Variants in SREK1IP1 observed in about 807,000 individuals in gnomAD.
The protein encoded by SREK1IP1 is protein SREK1IP1.
In SREK1IP1, 12 loss-of-function variants were observed where a neutral mutation model predicts 22.8. The observed-to-expected ratio is 0.53, with a 90% confidence interval of 0.34 to 0.85. The LOEUF (loss-of-function observed/expected upper bound fraction) is 0.85. SREK1IP1 is among the 40% of genes least tolerant of loss of function. The pLI, the probability that SREK1IP1 is intolerant of heterozygous loss-of-function variation, is 0.02. For missense variants in SREK1IP1, 147 were observed against 171.8 expected (o/e 0.86, Z 0.81); for synonymous variants, 53 against 52.7 (o/e 1.01, Z -0.02).
chr5:64,726,160 C>T (rs192664011), intron 4 of SREK1IP1, among the ~76,000 whole-genome samples: 6 of 151,892 alleles, frequency 4.0e-5, no homozygotes, highest in Non-Finnish European at 4.4e-5. Context: ...AGTGAGCCAC[C>T]GTGCCTGGCC....
chr5:64,767,899 A>T (rs1200685634), intron 1 of SREK1IP1, among the ~76,000 whole-genome samples: 1 of 152,206 alleles, frequency 6.6e-6, no homozygotes, highest in African/African-American at 2.4e-5. Context: ...ATTATTCTGC[A>T]GAGTTCACCG....
rs1348583169 is a variant in SREK1IP1 at position 64,723,207 on chromosome 5, A to G, written c.*1177T>C. Reference sequence around the variant, plus strand: ...TATGTGTTTGAAAATGCTTACCCATATAAAATTTCCATTATTATACAAAGG... The same window carrying G: ...TATGTGTTTGAAAATGCTTACCCATGTAAAATTTCCATTATTATACAAAGG... On this transcript the variant is annotated 3_prime_UTR_variant, in exon 5 of 5. Coordinates refer to ENST00000513458, the MANE Select transcript of SREK1IP1 (RefSeq NM_173829.4). The G allele has an allele frequency of 6.6e-6, 1 of 152,220 alleles. No individual in the cohort carries two copies. The highest frequency in any genetic ancestry group is 1.5e-5 in the Non-Finnish European group (1 of 68,040). 9.4% of individuals were successfully genotyped at this position (152,220 alleles called of 1,614,324 possible).
At chr5:64,725,534 A>C (rs141829512) in intron 4 of SREK1IP1, among the ~76,000 whole-genome samples, 34 of 152,326 alleles carry the variant, frequency 2.2e-4, no homozygotes, top group Admixed American at 8.5e-4. Flanking sequence ...CAGGGCTCCA[A>C]GGCTATTTTG....
intron 1 of SREK1IP1, among the ~76,000 whole-genome samples, chr5:64,764,345 A>G (rs1204517970): frequency 6.6e-6 from 1 of 152,184 alleles, no homozygotes; most frequent in Non-Finnish European, 1.5e-5. Context: ...AAGCATGAAG[A>G]AGTGGCAGGG....
intron 3 of SREK1IP1, among the ~76,000 whole-genome samples, chr5:64,739,448 C>T (rs552873835): frequency 1.1e-4 from 16 of 152,194 alleles, no homozygotes; most frequent in African/African-American, 3.9e-4. Context: ...AACCAATCCT[C>T]CTGTTTTTAG....
intron 1 of SREK1IP1, among the ~76,000 whole-genome samples, chr5:64,759,896 T>C (rs570568068): frequency 2.0e-4 from 30 of 152,214 alleles, no homozygotes; most frequent in African/African-American, 7.2e-4. Flanking sequence ...CATAAATTAG[T>C]ACTATCTCTT....
chr5:64,723,407 C>A lies in SREK1IP1; in HGVS notation c.*977G>T, dbSNP rs1466588545. On this transcript the variant is annotated 3_prime_UTR_variant, in exon 5 of 5. Transcript: ENST00000513458. ...CAGTGTGAAACTTGCTTTAAAACTACAAATTATGTCAGACAAAATAAATAT... is the reference window on the plus strand; with the variant it reads ...CAGTGTGAAACTTGCTTTAAAACTAAAAATTATGTCAGACAAAATAAATAT... The A allele has an allele frequency of 6.6e-6, 1 of 152,124 alleles. No homozygotes were observed. Among genetic ancestry groups the A allele is most frequent in the Non-Finnish European group, 1.5e-5 (1 of 67,978 alleles). The allele number at this position is 152,124 out of a possible 1,614,324, so 9.4% of individuals were successfully genotyped here.
chr5:64,744,200 G>T (rs905019047), intron 2 of SREK1IP1, among the ~76,000 whole-genome samples: 1 of 152,040 alleles, frequency 6.6e-6, no homozygotes, highest in Non-Finnish European at 1.5e-5. Context: ...CCTCCCAAGC[G>T]CAGGTAGGGC....
At chr5:64,724,982 T>C (rs1347916404) in intron 4 of SREK1IP1, among the ~76,000 whole-genome samples, 1 of 152,134 alleles carries the variant, frequency 6.6e-6, no homozygotes, top group African/African-American at 2.4e-5. Context: ...AAGTTGCAAT[T>C]CTCTATTTTA....
chr5:64,731,867 TCTGGTTGTGGTG>T (rs1300583253), intron 3 of SREK1IP1, among the ~76,000 whole-genome samples: 3 of 152,242 alleles, frequency 2.0e-5, no homozygotes, highest in Admixed American at 1.3e-4. Flanking sequence ...TCTCTTCCTT[TCTGGTTGTGGTG>T]CTGGCCACCT....
intron 1 of SREK1IP1, among the ~76,000 whole-genome samples, chr5:64,760,989 A>G (rs1742943942): frequency 6.6e-6 from 1 of 152,234 alleles, no homozygotes; most frequent in Non-Finnish European, 1.5e-5. Context: ...CAAACAAACA[A>G]AACTGTAACA....
intron 3 of SREK1IP1, among the ~76,000 whole-genome samples, chr5:64,737,431 AG>A (rs1742482268): frequency 6.6e-6 from 1 of 151,670 alleles, no homozygotes. Context: ...CTGCAAAAGC[AG>A]TACTAAAAGG....
intron 1 of SREK1IP1, among the ~76,000 whole-genome samples, chr5:64,755,980 GAA>G (rs1435430817): frequency 4.6e-5 from 7 of 151,906 alleles, no homozygotes; most frequent in African/African-American, 1.7e-4. Context: ...GGTATTATAA[GAA>G]ATATCTAAAT....
intron 2 of SREK1IP1, among the ~76,000 whole-genome samples, chr5:64,744,860 G>C (rs1742606767): frequency 6.6e-6 from 1 of 152,172 alleles, no homozygotes; most frequent in African/African-American, 2.4e-5. Context: ...TATAGGCTGA[G>C]GTTGCCAATT....
At chr5:64,724,693 T>TA (rs1161212430) in intron 4 of SREK1IP1, 120 bp from the exon 5 acceptor site, 1 of 749,498 alleles carries the variant, frequency 1.3e-6, no homozygotes, top group Non-Finnish European at 2.0e-6. Flanking sequence ...AACATAAACT[T>TA]AAAAAATGCT....
intron 3 of SREK1IP1, among the ~76,000 whole-genome samples, chr5:64,737,781 A>G (rs1000710657): frequency 1.3e-5 from 2 of 152,138 alleles, no homozygotes; most frequent in Non-Finnish European, 2.9e-5. Context: ...TAAATATATA[A>G]CTATATAAGA....
chr5:64,732,334 C>T (rs1580539928), intron 3 of SREK1IP1, among the ~76,000 whole-genome samples: 2 of 152,040 alleles, frequency 1.3e-5, no homozygotes, highest in African/African-American at 4.8e-5. Flanking sequence ...AATGACCTGA[C>T]AATTTACACA....
intron 3 of SREK1IP1, among the ~76,000 whole-genome samples, chr5:64,737,519 AAAAAG>A (rs1416118984): frequency 3.3e-5 from 5 of 150,366 alleles, no homozygotes; most frequent in Non-Finnish European, 7.4e-5. Flanking sequence ...AAAAAAAAAA[AAAAAG>A]AAAAGAAGGA....
chr5:64,735,803 T>C (rs906265209), intron 3 of SREK1IP1, among the ~76,000 whole-genome samples: 1 of 152,136 alleles, frequency 6.6e-6, no homozygotes, highest in Non-Finnish European at 1.5e-5. Flanking sequence ...ATGGACCTTC[T>C]CAAATAACCA....
Sources: gnomAD v4.1 joint callset for allele counts (sites outside exome capture counted in the v4.1 genomes callset) on GRCh38, gnomAD v4.1.1 for gene constraint, MANE v1.5 for transcripts, NCBI Gene and HGNC (gene_info 2026-07-23, HGNC 2026-07-21) for gene names.